The following GPC6 variants were observed in gnomAD, a reference collection of about 807,000 sequenced individuals.
The protein encoded by GPC6 is glypican-6.
A neutral mutation model predicts 55.2 loss-of-function variants in GPC6; 14 were observed. That is an observed-to-expected ratio of 0.25 (90% CI 0.17 to 0.40). The LOEUF (loss-of-function observed/expected upper bound fraction) is 0.40, where lower values mean the gene tolerates loss of function less well. Ranked by LOEUF, GPC6 falls within the 10% of genes least tolerant of loss-of-function variation. The pLI, the probability that GPC6 is intolerant of heterozygous loss-of-function variation, is 1.00. For synonymous variants in GPC6, 278 were observed against 259.6 expected (o/e 1.07, Z -0.68); for missense variants, 641 against 708.5 (o/e 0.90, Z 1.08).
intron 2 of GPC6, among the ~76,000 whole-genome samples, chr13:93,742,700 A>T (rs4771882): frequency 0.92 from 139,797 of 152,212 alleles, 64,334 homozygotes; most frequent in Admixed American, 0.96. Context: ...ATCAAAGATC[A>T]TCACACTGAT....
At chr13:93,730,720 A>G (rs16949150) in intron 2 of GPC6, among the ~76,000 whole-genome samples, 6,017 of 152,284 alleles carry the variant, frequency 0.04, 389 homozygotes, top group African/African-American at 0.14. Context: ...TTTCAGGTTG[A>G]ATAGTCAACT....
At chr13:93,454,117 A>T (rs1878339579) in intron 1 of GPC6, among the ~76,000 whole-genome samples, 1 of 151,448 alleles carries the variant, frequency 6.6e-6, no homozygotes, top group Non-Finnish European at 1.5e-5. Flanking sequence ...AGCTAGATAC[A>T]GAGTGTGGAT....
At chr13:93,247,131 TA>T (rs1294697060) in intron 1 of GPC6, among the ~76,000 whole-genome samples, 5 of 152,144 alleles carry the variant, frequency 3.3e-5, no homozygotes, top group African/African-American at 9.7e-5. Flanking sequence ...GCAGTACCCT[TA>T]GGAGATACCT....
At chr13:93,806,095 A>G (rs1227829549) in intron 2 of GPC6, among the ~76,000 whole-genome samples, 2 of 152,142 alleles carry the variant, frequency 1.3e-5, no homozygotes, top group African/African-American at 4.8e-5. Context: ...AGCTACACAT[A>G]TTTTGAATAA....
chr13:94,258,109 T>A (rs957901746), intron 4 of GPC6, among the ~76,000 whole-genome samples: 2 of 152,210 alleles, frequency 1.3e-5, no homozygotes, highest in African/African-American at 4.8e-5. Flanking sequence ...TAGGCAATCA[T>A]ATACAAAGCC....
intron 4 of GPC6, among the ~76,000 whole-genome samples, chr13:94,087,445 A>C (rs1230604990): frequency 1.3e-5 from 2 of 152,238 alleles, no homozygotes; most frequent in African/African-American, 2.4e-5. Context: ...GAACAGAAGC[A>C]CTACCACACC....
At chr13:94,394,670 T>C (rs1003274343) in intron 7 of GPC6, among the ~76,000 whole-genome samples, 2 of 152,206 alleles carry the variant, frequency 1.3e-5, no homozygotes, top group Non-Finnish European at 2.9e-5. Context: ...GATTCAGGAC[T>C]TACCTCTGGA....
At chr13:93,544,137 A>G (rs1882446651) in intron 1 of GPC6, among the ~76,000 whole-genome samples, 1 of 148,866 alleles carries the variant, frequency 6.7e-6, no homozygotes, top group South Asian at 2.2e-4. Context: ...ACACCTCAAC[A>G]GTAAAAAAAG....
intron 1 of GPC6, among the ~76,000 whole-genome samples, chr13:93,452,223 G>A (rs776487225): frequency 2.0e-5 from 3 of 152,138 alleles, no homozygotes; most frequent in African/African-American, 4.8e-5. Flanking sequence ...TATTTTTCAA[G>A]TAGCATCTCA....
At chr13:93,315,194 T>G (rs1297803817) in intron 1 of GPC6, among the ~76,000 whole-genome samples, 2 of 152,124 alleles carry the variant, frequency 1.3e-5, no homozygotes, top group Non-Finnish European at 2.9e-5. Context: ...TTTAAAACAT[T>G]AACTTAAGTT....
At chr13:93,751,538 T>C (rs1444040442) in intron 2 of GPC6, among the ~76,000 whole-genome samples, 1 of 152,018 alleles carries the variant, frequency 6.6e-6, no homozygotes, top group Non-Finnish European at 1.5e-5. Context: ...TTTATTTTTA[T>C]AGAGATGGGG....
chr13:93,395,270 G>A, intron 1 of GPC6: 1 of 479,606 alleles, frequency 2.1e-6, no homozygotes. Context: ...AAAGTTTCCA[G>A]AACCACTTTG....
intron 3 of GPC6, among the ~76,000 whole-genome samples, chr13:93,919,154 T>C (rs1295990490): frequency 6.6e-6 from 1 of 152,156 alleles, no homozygotes; most frequent in African/African-American, 2.4e-5. Flanking sequence ...TTGTCATGAC[T>C]GTAAACTCCC....
At chr13:93,222,017 T>A (rs75415736), upstream of GPC6, among the ~76,000 whole-genome samples, 1 of 994 alleles carries the variant, frequency 1.0e-3, no homozygotes, top group Non-Finnish European at 0.5. Flanking sequence ...CTGCTTTTTA[T>A]TTTTTTTATA....
chr13:93,995,088 A>G (rs1229578876), intron 3 of GPC6, among the ~76,000 whole-genome samples: 1 of 152,144 alleles, frequency 6.6e-6, no homozygotes, highest in African/African-American at 2.4e-5. Flanking sequence ...ATGATACACA[A>G]AATCATGGCC....
intron 6 of GPC6, among the ~76,000 whole-genome samples, chr13:94,351,962 CAAAAAAAA>C (rs60206836): frequency 1.1e-3 from 110 of 101,504 alleles, no homozygotes; most frequent in Middle Eastern, 9.3e-3. Context: ...GAGAAGAAGG[CAAAAAAAA>C]AAAAAAAAAA....
chr13:93,948,140 G>A (rs1879096251), intron 3 of GPC6, among the ~76,000 whole-genome samples: 2 of 152,060 alleles, frequency 1.3e-5, no homozygotes, highest in South Asian at 2.1e-4. Context: ...AATTAACTTT[G>A]TCTTGGAGTG....
intron 1 of GPC6, among the ~76,000 whole-genome samples, chr13:93,498,446 G>A: frequency 6.6e-6 from 1 of 152,176 alleles, no homozygotes; most frequent in East Asian, 1.9e-4. Flanking sequence ...GTTTGGCTGT[G>A]TCCCCACCCA....
intron 4 of GPC6, among the ~76,000 whole-genome samples, chr13:94,104,350 C>T (rs1309460780): frequency 6.6e-6 from 1 of 152,092 alleles, no homozygotes; most frequent in Non-Finnish European, 1.5e-5. Flanking sequence ...ATGACAAACC[C>T]ACAGCCAATA....
Sources: gnomAD v4.1 joint callset for allele counts (sites outside exome capture counted in the v4.1 genomes callset) on GRCh38, gnomAD v4.1.1 for gene constraint, MANE v1.5 for transcripts, NCBI Gene and HGNC (gene_info 2026-07-23, HGNC 2026-07-21) for gene names.